Variants in MLIP observed in about 807,000 individuals in gnomAD.
The protein encoded by MLIP is muscular LMNA-interacting protein.
MLIP carries 79 observed loss-of-function variants against 84.8 expected under a neutral mutation model. That is an observed-to-expected ratio of 0.93 (90% confidence interval 0.78 to 1.12). The LOEUF (loss-of-function observed/expected upper bound fraction) is 1.12, where lower values mean the gene tolerates loss of function less well. MLIP is among the 50% of genes most tolerant of loss of function. The pLI is 0.00. For missense variants in MLIP, 1,257 were observed against 1,160.6 expected (o/e 1.08, Z -1.21); for synonymous variants, 504 against 463.0 (o/e 1.09, Z -1.14).
chr6:54,151,772 T>C (rs886296558), intron 5 of MLIP, among the ~76,000 whole-genome samples: 3 of 152,176 alleles, frequency 2.0e-5, no homozygotes, highest in Non-Finnish European at 2.9e-5. Context: ...ATAGTATAAT[T>C]AATGAGAAAC....
intron 8 of MLIP, among the ~76,000 whole-genome samples, chr6:54,165,644 C>G (rs992644047): frequency 6.6e-6 from 1 of 151,872 alleles, no homozygotes; most frequent in Admixed American, 6.6e-5. Context: ...GTAGTGAGGT[C>G]AAGAAAGAAC....
intron 9 of MLIP, among the ~76,000 whole-genome samples, chr6:54,171,278 G>T (rs1185702656): frequency 2.0e-5 from 3 of 151,612 alleles, no homozygotes; most frequent in Non-Finnish European, 4.4e-5. Context: ...GTCATTCAAA[G>T]CTAAGAATGA....
chr6:54,139,473 C>T (rs1223872676), intron 4 of MLIP, among the ~76,000 whole-genome samples: 2 of 152,106 alleles, frequency 1.3e-5, no homozygotes, highest in Non-Finnish European at 2.9e-5. Flanking sequence ...ACCAAATATA[C>T]AGAAGATGAT....
At position 54,028,274 on chromosome 6, in the gene MLIP, C is replaced by A. The variant is rs986517614; in HGVS notation, c.63+9183C>A. ...TGCATGGGTAGCTTCTGGGAAGACA[C>A]CCCCCTCCACCCCCAGCTTGGTCTT... On this transcript the variant is annotated intron_variant, in intron 1 of 12. Coordinates refer to the MLIP transcript ENST00000274897. Among the ~76,000 whole-genome samples, 6 of 152,176 alleles carry A rather than the reference C, an allele frequency of 3.9e-5. 1 individual carries two copies. Among genetic ancestry groups the A allele is most frequent in the Admixed American group, 1.3e-4 (2 of 15,278 alleles).
rs772910032 is a variant in MLIP, at chr6:54,136,840, G to C, written c.771G>C (p.Glu257Asp). 3.9e-6 allele frequency: 6 copies of C among 1,534,998 alleles called. No individual in the cohort carries two copies. In the South Asian group the frequency reaches 7.1e-5, roughly 18 times the overall value. ...ACCTCGAGGGAGCCTCTGTCCTAGA[G>C]GAGTTCCACACTAGGAGGCTGGATG... is the stretch of plus-strand genomic sequence containing the variant. Reference protein sequence around the residue: ...PVNLEGASVLEEFHTRRLDVG... With the variant: ...PVNLEGASVLDEFHTRRLDVG... The change falls in exon 4 of 14, where the codon GAG becomes GAC. Residue 257 changes from glutamate to aspartate, a missense_variant. Glu to Asp is a conservative substitution (Grantham distance 45). Coordinates refer to ENST00000502396, the MANE Select transcript of MLIP (RefSeq NM_001281747.2).
intron 10 of MLIP, among the ~76,000 whole-genome samples, chr6:54,197,117 G>GT (rs1372760611): frequency 6.6e-6 from 1 of 151,980 alleles, no homozygotes; most frequent in African/African-American, 2.4e-5. Flanking sequence ...AGAGAGGCTG[G>GT]TTAGGGATAT....
intron 3 of MLIP, among the ~76,000 whole-genome samples, chr6:54,132,482 A>G (rs1305919819): frequency 6.6e-6 from 1 of 152,202 alleles, no homozygotes; most frequent in Non-Finnish European, 1.5e-5. Context: ...AAGGGAATGA[A>G]GATGATACTA....
exon 1 of MLIP, chr6:54,019,053 A>G (rs749127065): frequency 6.2e-7 from 1 of 1,611,848 alleles, no homozygotes; most frequent in East Asian, 2.2e-5. Flanking sequence ...GCGTGAAAAA[A>G]GAAGCTTATT....
At chr6:54,061,416 G>C (rs1414465534) in intron 1 of MLIP, among the ~76,000 whole-genome samples, 2 of 152,130 alleles carry the variant, frequency 1.3e-5, no homozygotes, top group Non-Finnish European at 2.9e-5. Flanking sequence ...ATCAATAAAT[G>C]CAAATAAAAC....
chr6:54,082,365 C>G (rs564568907), intron 1 of MLIP, among the ~76,000 whole-genome samples: 2 of 152,096 alleles, frequency 1.3e-5, no homozygotes, highest in African/African-American at 4.8e-5. Context: ...GAGGAACTGC[C>G]GAACATGTAT....
At chr6:54,030,258 G>C (rs1454432927) in intron 1 of MLIP, among the ~76,000 whole-genome samples, 1 of 152,180 alleles carries the variant, frequency 6.6e-6, no homozygotes, top group African/African-American at 2.4e-5. Context: ...AAGATGTTAT[G>C]TCCTAATCTC....
At chr6:54,131,374 T>A (rs1014504148) in intron 3 of MLIP, among the ~76,000 whole-genome samples, 7 of 152,178 alleles carry the variant, frequency 4.6e-5, no homozygotes, top group South Asian at 2.1e-4. Flanking sequence ...AAAGACCTTT[T>A]TTTAATTTTT....
chr6:54,157,780 A>ATT (rs1451580064), intron 5 of MLIP, among the ~76,000 whole-genome samples: 49 of 152,132 alleles, frequency 3.2e-4, no homozygotes, highest in Admixed American at 2.0e-4. Context: ...TATTTTTATG[A>ATT]AATTTTCAGT....
Position 54,247,248 on chromosome 6 carries a change from A to T in MLIP, c.2923-10060A>T, listed in dbSNP as rs181145395. On this transcript the variant is annotated intron_variant, in intron 12 of 13. Coordinates refer to ENST00000502396, the MANE Select transcript of MLIP (RefSeq NM_001281747.2). The stretch of plus-strand genomic sequence containing the variant: ...AAAGATCTCACTCTGGGATGGCTGA[A>T]ACTGACTGACAGTGGAGAGTTTTCT... 1.2e-3 allele frequency among the ~76,000 whole-genome samples: 183 copies of T among 152,286 alleles called. 1 individual carries two copies. Among genetic ancestry groups the T allele is most frequent in the Non-Finnish European group, 2.1e-3 (143 of 68,018 alleles).
At chr6:54,081,908 C>T (rs1767183756) in intron 1 of MLIP, among the ~76,000 whole-genome samples, 1 of 152,102 alleles carries the variant, frequency 6.6e-6, no homozygotes, top group Non-Finnish European at 1.5e-5. Flanking sequence ...ATATTTCAGA[C>T]ATATGACCAA....
chr6:54,031,926 A>G (rs1486507180), intron 1 of MLIP, among the ~76,000 whole-genome samples: 1 of 152,156 alleles, frequency 6.6e-6, no homozygotes, highest in Non-Finnish European at 1.5e-5. Context: ...GTAGGCAGCT[A>G]TGGCATTGGT....
At chr6:54,211,248 T>C (rs1450891826) in intron 11 of MLIP, among the ~76,000 whole-genome samples, 2 of 151,992 alleles carry the variant, frequency 1.3e-5, no homozygotes, top group Non-Finnish European at 2.9e-5. Flanking sequence ...TAAAAATCAA[T>C]AAAAATAAGG....
intron 1 of MLIP, among the ~76,000 whole-genome samples, chr6:54,054,479 T>A (rs1175988006): frequency 6.7e-6 from 1 of 150,300 alleles, no homozygotes; most frequent in Non-Finnish European, 1.5e-5. Flanking sequence ...CAGTACTGTA[T>A]CGGATATAGC....
chr6:54,045,871 C>T (rs1257931385), intron 1 of MLIP: 1 of 152,078 alleles, frequency 6.6e-6, no homozygotes, highest in Admixed American at 6.6e-5. Flanking sequence ...TATAAATTAC[C>T]CAGTCTCAGG....
Sources: gnomAD v4.1 joint callset for allele counts (sites outside exome capture counted in the v4.1 genomes callset) on GRCh38, gnomAD v4.1.1 for gene constraint, MANE v1.5 for transcripts, NCBI Gene and HGNC (gene_info 2026-07-23, HGNC 2026-07-21) for gene names.